ZNF683: variants seen among roughly 807,000 people sequenced by gnomAD.
The protein encoded by ZNF683 is zinc finger protein 683.
In ZNF683, 20 loss-of-function variants were observed where a neutral mutation model predicts 31.4. The observed-to-expected ratio is 0.64, with a 90% confidence interval of 0.45 to 0.93. The LOEUF (loss-of-function observed/expected upper bound fraction) is 0.93. ZNF683 is among the 40% of genes least tolerant of loss of function. The pLI is 0.00. For missense variants in ZNF683, 621 were observed against 637.2 expected (o/e 0.97, Z 0.27); for synonymous variants, 264 against 267.6 (o/e 0.99, Z 0.13).
At position 26,363,003 on chromosome 1, in the gene ZNF683, TA is replaced by T. The variant is rs1557732379; in HGVS notation, c.1143+22del. 4.4e-6 allele frequency: 7 copies of T among 1,598,482 alleles called. 1 individual carries two copies. The South Asian group carries it at 7.9e-5, about 18-fold the overall frequency. On this transcript the variant is annotated intron_variant, in intron 5 of 5. Transcript: ENST00000349618. ...CTCCTCTCCAGCCTATAGGAGTACATAGTAGGGGGAGAAGGATCTCACCGAG... is the reference window on the plus strand; with the variant it reads ...CTCCTCTCCAGCCTATAGGAGTACATGTAGGGGGAGAAGGATCTCACCGAG...
chr1:26,362,956 C>G, intron 5 of ZNF683, 70 bp downstream of exon 5: 4 of 1,512,184 alleles, frequency 2.6e-6, no homozygotes, highest in Non-Finnish European at 3.6e-6. Context: ...GCTGCAGGTG[C>G]CAGCCCTCCA....
chr1:26,369,181 G>C (rs1471377501), intron 1 of ZNF683, among the ~76,000 whole-genome samples: 1 of 151,646 alleles, frequency 6.6e-6, no homozygotes, highest in African/African-American at 2.4e-5. Flanking sequence ...GGAGGTGGAG[G>C]TTGCAGTGAG....
intron 1 of ZNF683, among the ~76,000 whole-genome samples, chr1:26,369,182 T>A (rs2074604161): frequency 6.6e-6 from 1 of 150,794 alleles, no homozygotes. Flanking sequence ...GAGGTGGAGG[T>A]TGCAGTGAGC....
upstream of ZNF683, among the ~76,000 whole-genome samples, chr1:26,373,854 G>A (rs867452216): frequency 6.6e-6 from 1 of 152,094 alleles, no homozygotes; most frequent in African/African-American, 2.4e-5. Flanking sequence ...TGTGCTAGGG[G>A]CTTCATAAAC....
intron 4 of ZNF683, among the ~76,000 whole-genome samples, chr1:26,363,737 GAA>G (rs61027154): frequency 0.015 from 1,968 of 134,896 alleles, 31 homozygotes; most frequent in African/African-American, 0.041. Flanking sequence ...ACTCCATATG[GAA>G]AAAAAAAAAA....
At chr1:26,372,519 G>A in intron 1 of ZNF683, 150 bp downstream of exon 1, 1 of 1,304,850 alleles carries the variant, frequency 7.7e-7, no homozygotes, top group Non-Finnish European at 1.0e-6. Context: ...CCACCCAGAA[G>A]GGGTGACCCG....
intron 4 of ZNF683, among the ~76,000 whole-genome samples, chr1:26,363,872 G>A (rs1399632237): frequency 6.6e-6 from 1 of 152,154 alleles, no homozygotes; most frequent in Non-Finnish European, 1.5e-5. Context: ...GAAAGTTTAA[G>A]AACTCCTGCC....
chr1:26,362,391 G>A (rs533240364), intron 5 of ZNF683, among the ~76,000 whole-genome samples: 1 of 152,274 alleles, frequency 6.6e-6, no homozygotes, highest in South Asian at 2.1e-4. Flanking sequence ...ACATTTACAG[G>A]GGGCTGCCAC....
intron 1 of ZNF683, among the ~76,000 whole-genome samples, chr1:26,369,449 C>T (rs776484018): frequency 3.3e-5 from 5 of 152,016 alleles, no homozygotes; most frequent in African/African-American, 7.2e-5. Flanking sequence ...GGGCGGATCA[C>T]CTGAGGTTGG....
At chr1:26,372,427 C>T (rs2074690220) in intron 1 of ZNF683, 1 of 1,265,124 alleles carries the variant, frequency 7.9e-7, no homozygotes, top group Non-Finnish European at 1.0e-6. Context: ...ATTATAAAAG[C>T]CGAAATGGCC....
At chr1:26,368,681 A>G (rs2074591369) in intron 1 of ZNF683, 96 bp from the exon 2 acceptor site, 2 of 1,365,226 alleles carry the variant, frequency 1.5e-6, no homozygotes, top group South Asian at 1.7e-5. Context: ...CTGCATGACC[A>G]CAAGTTATTC....
At chr1:26,370,860 C>T (rs2074653644) in intron 1 of ZNF683, 1 of 333,336 alleles carries the variant, frequency 3.0e-6, no homozygotes, top group South Asian at 1.2e-4. Context: ...GGGCACTATC[C>T]ACTCAGCTTT....
At chr1:26,374,426 T>C (rs897254814), upstream of ZNF683, 6 of 1,201,968 alleles carry the variant, frequency 5.0e-6, no homozygotes, top group African/African-American at 4.7e-5. Context: ...GAAAGCTCCC[T>C]GGCTTGGCTA....
intron 4 of ZNF683, 123 bp from the exon 5 acceptor site, chr1:26,363,277 C>T: frequency 7.8e-7 from 1 of 1,282,308 alleles, no homozygotes; most frequent in East Asian, 2.6e-5. Flanking sequence ...GCCCATCATC[C>T]CCAGGATACT....
chr1:26,370,606 C>T lies in ZNF683; in HGVS notation c.-14-2021G>A, dbSNP rs1030308242. 1.3e-5 allele frequency: 13 copies of T among 968,916 alleles called. No individual in the cohort carries two copies. In the Admixed American group the frequency reaches 1.8e-4, roughly 14 times the overall value. The allele number at this position is 968,916 out of a possible 1,614,324, so 60.0% of individuals were successfully genotyped here. Reference sequence around the variant, plus strand: ...TTCCCTCTTTCCTCACTCCTCCCAACGCTGCTTCAGGTCTCAAAGCAAATA... The same window carrying T: ...TTCCCTCTTTCCTCACTCCTCCCAATGCTGCTTCAGGTCTCAAAGCAAATA... On this transcript the variant is annotated intron_variant, in intron 1 of 5. Coordinates refer to ENST00000349618, the MANE Select transcript of ZNF683 (RefSeq NM_001114759.3).
chr1:26,363,889 G>A (rs1346422125), intron 4 of ZNF683, among the ~76,000 whole-genome samples: 8 of 152,210 alleles, frequency 5.3e-5, no homozygotes, highest in Admixed American at 5.2e-4. Flanking sequence ...TGCCCTGCAG[G>A]ATCCAGCAGG....
In ZNF683 at chr1:26,372,693, G is replaced by C; in HGVS notation, c.-39C>G. ...CTCTGGTGATCATGGGCTTTCCTTG[G>C]CTTGGGTCTCTGGTCTGGGTCAAGG... is the stretch of plus-strand genomic sequence containing the variant. On this transcript the variant is annotated 5_prime_UTR_variant, in exon 1 of 6. Coordinates refer to ENST00000349618, the MANE Select transcript of ZNF683 (RefSeq NM_001114759.3). The C allele has an allele frequency of 7.8e-7, 1 of 1,281,710 alleles. No homozygotes were observed. The highest frequency in any genetic ancestry group is 1.0e-6 in the Non-Finnish European group (1 of 979,468). 79.4% of individuals were successfully genotyped at this position (1,281,710 alleles called of 1,614,324 possible).
At chr1:26,366,194 A>T (rs1308052542) in intron 3 of ZNF683, among the ~76,000 whole-genome samples, 1 of 149,592 alleles carries the variant, frequency 6.7e-6, no homozygotes, top group African/African-American at 2.6e-5. Flanking sequence ...AAAAAGAAAG[A>T]AAGAAAGAAA....
rs201284148 is a variant in ZNF683 at position 26,364,800 on chromosome 1, C to T, written c.746G>A (p.Arg249Gln). 109 of 1,288,838 alleles carry T rather than the reference C, an allele frequency of 8.5e-5. No individual in the cohort carries two copies. The highest frequency in any genetic ancestry group is 7.5e-4 in the Middle Eastern group (4 of 5,314). The allele number at this position is 1,288,838 out of a possible 1,614,324, so 79.8% of individuals were successfully genotyped here. The change falls in exon 4 of 6, where the codon CGG (arginine) becomes CAG (glutamine). Residue 249 changes from arginine (R) to glutamine (Q), a missense_variant. By Grantham distance (43) the Arg-to-Gln change is conservative (BLOSUM62 1). Transcript: ENST00000349618. ...TGGGTAGGGAAGCAGGGTCTCCCACCGAGCGCTGGGGTGCCCCAGCTCATT... is the reference window on the plus strand; with the variant it reads ...TGGGTAGGGAAGCAGGGTCTCCCACTGAGCGCTGGGGTGCCCCAGCTCATT... Reference protein sequence around the residue: ...MVNELGHPSARWETLLPYPGA... With the variant: ...MVNELGHPSAQWETLLPYPGA...
Sources: allele counts gnomAD v4.1 joint callset (sites outside exome capture counted in the v4.1 genomes callset), GRCh38; gene constraint gnomAD v4.1.1; transcripts MANE v1.5; gene names NCBI Gene and HGNC (gene_info 2026-07-23, HGNC 2026-07-21).